AQP11: variants seen among roughly 807,000 people sequenced by gnomAD.
AQP11 encodes aquaporin-11.
A neutral mutation model predicts 21.1 loss-of-function variants in AQP11; 20 were observed. The observed-to-expected ratio is 0.95, with a 90% confidence interval of 0.67 to 1.38. The LOEUF (loss-of-function observed/expected upper bound fraction) is 1.38, where lower values mean the gene tolerates loss of function less well. Among genes scored for constraint, AQP11 ranks in the 40% most tolerant of loss-of-function variants. The pLI is 0.00. For synonymous variants in AQP11, 167 were observed against 150.1 expected (o/e 1.11, Z -0.82); for missense variants, 339 against 340.4 (o/e 1.00, Z 0.03).
chr11:77,607,483 AC>A (rs1439641784), intron 2 of AQP11, among the ~76,000 whole-genome samples: 2 of 152,160 alleles, frequency 1.3e-5, no homozygotes, highest in African/African-American at 4.8e-5. Flanking sequence ...CAGGAAGCAA[AC>A]TATTCTTTGG....
At chr11:77,596,732 C>T (rs913027845) in intron 1 of AQP11, among the ~76,000 whole-genome samples, 60 of 151,152 alleles carry the variant, frequency 4.0e-4, no homozygotes, top group African/African-American at 1.3e-3. Flanking sequence ...TGGTGGTGCA[C>T]GCCTGTAGTC....
At chr11:77,603,219 T>TC (rs1958825250) in intron 1 of AQP11, among the ~76,000 whole-genome samples, 1 of 152,238 alleles carries the variant, frequency 6.6e-6, no homozygotes, top group South Asian at 2.1e-4. Flanking sequence ...CTTTTATTAT[T>TC]ATTCATTCAT....
At chr11:77,602,102 C>T (rs1024841218) in intron 1 of AQP11, among the ~76,000 whole-genome samples, 2 of 152,124 alleles carry the variant, frequency 1.3e-5, no homozygotes, top group Non-Finnish European at 2.9e-5. Context: ...ATCAGAACTG[C>T]TGTGTGAGGA....
intron 1 of AQP11, among the ~76,000 whole-genome samples, chr11:77,593,037 A>G (rs149418097): frequency 1.3e-5 from 2 of 152,384 alleles, no homozygotes; most frequent in African/African-American, 4.8e-5. Flanking sequence ...CACTAGCTGC[A>G]TGTGGCTGTT....
chr11:77,603,399 A>G (rs1958826124), intron 1 of AQP11, among the ~76,000 whole-genome samples, 157 bp from the exon 2 acceptor site: 1 of 152,190 alleles, frequency 6.6e-6, no homozygotes, highest in African/African-American at 2.4e-5. Context: ...ATTATGATTT[A>G]TGATTATAGT....
At chr11:77,592,569 TTCTG>T (rs1018330913) in intron 1 of AQP11, among the ~76,000 whole-genome samples, 11 of 152,334 alleles carry the variant, frequency 7.2e-5, no homozygotes, top group African/African-American at 2.2e-4. Context: ...TTGATATTCT[TTCTG>T]TCTACTTTTA....
In AQP11 at chr11:77,594,918, A is replaced by G. The variant is rs564023712; in HGVS notation, c.619+4307A>G. ...AAAAAAAAAAGCTGTGCGATTTATT[A>G]ACATATTAGAGCTATAAACTGTTAA... On this transcript the variant is annotated intron_variant, in intron 1 of 2. Coordinates refer to ENST00000313578, the MANE Select transcript of AQP11 (RefSeq NM_173039.3). Among the ~76,000 whole-genome samples the G allele has an allele frequency of 2.6e-5, 4 of 152,184 alleles. 1 individual carries two copies. The South Asian group carries it at 8.3e-4, about 32-fold the overall frequency.
At chr11:77,591,460 TAAC>T (rs1290785922) in intron 1 of AQP11, 6 of 457,976 alleles carry the variant, frequency 1.3e-5, no homozygotes, top group African/African-American at 1.3e-4. Flanking sequence ...GAGGCAGAAA[TAAC>T]AACAAAGGAA....
chr11:77,594,422 T>C (rs1016009768), intron 1 of AQP11, among the ~76,000 whole-genome samples: 2 of 152,178 alleles, frequency 1.3e-5, no homozygotes, highest in Non-Finnish European at 2.9e-5. Context: ...TCTAGGAGTG[T>C]GTAGCAGAAG....
intron 2 of AQP11, among the ~76,000 whole-genome samples, chr11:77,607,603 A>G (rs151279457): frequency 3.4e-3 from 518 of 152,198 alleles, no homozygotes; most frequent in African/African-American, 0.012. Flanking sequence ...TGTGACTATA[A>G]GGATGTATAT....
At chr11:77,590,701 T>C in intron 1 of AQP11, 90 bp downstream of exon 1, 2 of 1,514,064 alleles carry the variant, frequency 1.3e-6, no homozygotes, top group Non-Finnish European at 1.8e-6. Flanking sequence ...TGAAACCGTC[T>C]ATCCCGCTAT....
chr11:77,590,715 G>A, intron 1 of AQP11, 104 bp downstream of exon 1: 1 of 1,506,704 alleles, frequency 6.6e-7, no homozygotes, highest in South Asian at 1.3e-5. Flanking sequence ...CCGCTATGAT[G>A]TAAATGCTGG....
chr11:77,599,900 T>C (rs1295663429), intron 1 of AQP11, among the ~76,000 whole-genome samples: 1 of 152,026 alleles, frequency 6.6e-6, no homozygotes, highest in East Asian at 1.9e-4. Context: ...ACTCTTTTCA[T>C]GTGCATTTAC....
At position 77,590,112 on chromosome 11, in the gene AQP11, C is replaced by T. The variant is rs1958736062; in HGVS notation, c.120C>T (p.His40=). ...LARVVARQQL[H]RPVAHAFVLE... is the part of the protein sequence containing the mutation. ...GCGTAGTCGCCCGGCAGCAGCTGCACAGGCCGGTGGCCCACGCCTTCGTCC... is the reference window on the plus strand; with the variant it reads ...GCGTAGTCGCCCGGCAGCAGCTGCATAGGCCGGTGGCCCACGCCTTCGTCC... Residue 40 remains histidine, a synonymous_variant, in exon 1 of 3, where the codon CAC becomes CAT. Transcript: ENST00000313578. The T allele has an allele frequency of 6.2e-7, 1 of 1,607,910 alleles. No individual in the cohort carries two copies. The highest frequency in any genetic ancestry group is 2.2e-5 in the East Asian group (1 of 44,862).
At chr11:77,605,345 A>G (rs1444002452) in intron 2 of AQP11, among the ~76,000 whole-genome samples, 1 of 152,226 alleles carries the variant, frequency 6.6e-6, no homozygotes, top group East Asian at 1.9e-4. Context: ...ATATATTAAC[A>G]TGATTTATTT....
chr11:77,599,880 C>T (rs1223978009), intron 1 of AQP11, among the ~76,000 whole-genome samples: 1 of 152,112 alleles, frequency 6.6e-6, no homozygotes, highest in African/African-American at 2.4e-5. Flanking sequence ...GCCATCAAAC[C>T]CAGGCCCAAA....
At chr11:77,591,805 C>T (rs1359401332) in intron 1 of AQP11, among the ~76,000 whole-genome samples, 2 of 152,062 alleles carry the variant, frequency 1.3e-5, no homozygotes, top group African/African-American at 2.4e-5. Context: ...ACCCGGGAGG[C>T]GGAGGTTGCA....
Position 77,609,442 on chromosome 11 carries a change from C to A in AQP11, c.*65C>A. On this transcript the variant is annotated 3_prime_UTR_variant, in exon 3 of 3. Transcript: ENST00000313578. ...CTGGATGTGATAAAGATTTTATCACCTCATATGGAAAACACCGGCTGCACT... is the reference window on the plus strand; with the variant it reads ...CTGGATGTGATAAAGATTTTATCACATCATATGGAAAACACCGGCTGCACT... 2.3e-6 allele frequency: 3 copies of A among 1,297,030 alleles called. No homozygotes were observed. Among genetic ancestry groups the A allele is most frequent in the Non-Finnish European group, 3.2e-6 (3 of 930,642 alleles). The allele number at this position is 1,297,030 out of a possible 1,614,324, so 80.3% of individuals were successfully genotyped here.
intron 2 of AQP11, among the ~76,000 whole-genome samples, chr11:77,607,478 A>C (rs1958853228): frequency 6.6e-6 from 1 of 152,208 alleles, no homozygotes; most frequent in Admixed American, 6.5e-5. Flanking sequence ...CCAAGCAGGA[A>C]GCAAACTATT....
Sources: allele counts gnomAD v4.1 joint callset (sites outside exome capture counted in the v4.1 genomes callset), GRCh38; gene constraint gnomAD v4.1.1; transcripts MANE v1.5; gene names NCBI Gene and HGNC (gene_info 2026-07-23, HGNC 2026-07-21).